The following NBAS variants were observed in gnomAD, a reference collection of about 807,000 sequenced individuals.
The protein encoded by NBAS is NAG/BC035112 fusion.
Under a neutral mutation model 302.5 loss-of-function variants are expected in NBAS, and 219 were observed. That is an observed-to-expected ratio of 0.72 (90% CI 0.65 to 0.81). The LOEUF is 0.81. Ranked by LOEUF, NBAS falls within the 30% of genes least tolerant of loss-of-function variation. NBAS has a pLI of 0.00. For synonymous variants in NBAS, 1,118 were observed against 1,021.6 expected, an observed-to-expected ratio of 1.09 and a Z score of -1.80; for missense variants, 2,932 against 2,841.6, an observed-to-expected ratio of 1.03 and a Z score of -0.72.
chr2:15,224,605 G>A lies in NBAS; in HGVS notation c.6237-5637C>T, dbSNP rs6736116. Among the ~76,000 whole-genome samples the A allele has an allele frequency of 1.1e-4, 16 of 152,080 alleles. No homozygotes were observed. In the South Asian group the frequency reaches 2.5e-3, roughly 24 times the overall value. ...ATACATGAAGTCAGGATGTTCCACCGCATGTTTAAAAACTGGGTGACAGGA... is the reference window on the plus strand; with the variant it reads ...ATACATGAAGTCAGGATGTTCCACCACATGTTTAAAAACTGGGTGACAGGA... On this transcript the variant is annotated intron_variant, in intron 47 of 51. Coordinates refer to ENST00000281513, the MANE Select transcript of NBAS (RefSeq NM_015909.4).
intron 47 of NBAS, among the ~76,000 whole-genome samples, chr2:15,219,308 T>C (rs1372833289): frequency 6.6e-6 from 1 of 151,794 alleles, no homozygotes; most frequent in African/African-American, 2.4e-5. Flanking sequence ...TAGTAATTTT[T>C]TTTTTTTCTT....
chr2:15,327,633 G>A (rs928479464), intron 38 of NBAS, 117 bp downstream of exon 38: 2 of 1,205,318 alleles, frequency 1.7e-6, no homozygotes, highest in South Asian at 2.6e-5. Flanking sequence ...GTCAAGTTAT[G>A]CAATTCAAAA....
intron 23 of NBAS, among the ~76,000 whole-genome samples, chr2:15,420,905 C>T (rs1677180051): frequency 6.6e-6 from 1 of 151,908 alleles, no homozygotes; most frequent in Non-Finnish European, 1.5e-5. Flanking sequence ...CCTTCAAAGA[C>T]CTAGGGATGG....
chr2:15,248,075 C>T (rs191541137), intron 44 of NBAS, among the ~76,000 whole-genome samples: 8 of 152,178 alleles, frequency 5.3e-5, no homozygotes, highest in Non-Finnish European at 7.4e-5. Flanking sequence ...TCAGCAAATG[C>T]AAAAGAATGG....
chr2:14,847,051 T>C, the NBAS span, among the ~76,000 whole-genome samples: 19,741 of 152,042 alleles, frequency 0.13, 2,310 homozygotes, highest in African/African-American at 0.31. Flanking sequence ...CAAGATCCAA[T>C]AATCTGTTGC....
intron 9 of NBAS, among the ~76,000 whole-genome samples, chr2:15,518,060 AAAG>A (rs1662485410): frequency 6.6e-6 from 1 of 152,082 alleles, no homozygotes; most frequent in South Asian, 2.1e-4. Flanking sequence ...TTAAACTTAA[AAAG>A]AAGAACATCA....
At position 15,275,527 on chromosome 2, in the gene NBAS, GT is replaced by G. The variant is rs2148054836; in HGVS notation, c.5680del (p.Thr1894LeufsTer3). 6.2e-7 allele frequency: 1 copy of G among 1,614,038 alleles called. No individual in the cohort carries two copies. Among genetic ancestry groups the G allele is most frequent in the East Asian group, 2.2e-5 (1 of 44,876 alleles). On this transcript the variant is annotated frameshift_variant, in exon 44 of 52. Coordinates refer to ENST00000281513, the MANE Select transcript of NBAS (RefSeq NM_015909.4). LOFTEE classifies it high-confidence loss of function. Reference sequence around the variant, plus strand: ...AGAAAATGTAACTGCATCTACCACAGTGATGAGGTCACCTGGGTGGAGACGA... The same window carrying G: ...AGAAAATGTAACTGCATCTACCACAGGATGAGGTCACCTGGGTGGAGACGA... ...FDRLHPGDLITVVDAVTFSPK... is the reference protein window; with the variant it reads ...FDRLHPGDLIXVVDAVTFSPK...
At chr2:15,543,197 G>A (rs1239917532) in intron 6 of NBAS, among the ~76,000 whole-genome samples, 3 of 152,178 alleles carry the variant, frequency 2.0e-5, no homozygotes, top group African/African-American at 7.2e-5. Flanking sequence ...ATTTTCATCA[G>A]CTGTAGCTCC....
chr2:15,503,062 T>G (rs954287772), intron 11 of NBAS, among the ~76,000 whole-genome samples: 3 of 152,170 alleles, frequency 2.0e-5, no homozygotes, highest in Non-Finnish European at 2.9e-5. Flanking sequence ...CACATCAGCC[T>G]AGGCCAACAC....
the NBAS span, among the ~76,000 whole-genome samples, chr2:15,055,838 A>G: frequency 6.6e-6 from 1 of 152,234 alleles, no homozygotes; most frequent in Non-Finnish European, 1.5e-5. Flanking sequence ...AGAACTACAT[A>G]TATTGTGAAA....
intron 21 of NBAS, among the ~76,000 whole-genome samples, chr2:15,452,940 A>G (rs1351041979): frequency 6.6e-6 from 1 of 152,230 alleles, no homozygotes; most frequent in East Asian, 1.9e-4. Context: ...GCACTTTATT[A>G]GGAGATATGT....
chr2:15,309,277 C>A (rs1671173098), intron 38 of NBAS, 30 bp from the exon 39 acceptor site: 1 of 1,570,952 alleles, frequency 6.4e-7, no homozygotes, highest in Non-Finnish European at 8.7e-7. Context: ...CATTATTTTA[C>A]TGAGGTTGCA....
the NBAS span, among the ~76,000 whole-genome samples, chr2:14,987,610 G>A: frequency 6.6e-6 from 1 of 151,974 alleles, no homozygotes; most frequent in African/African-American, 2.4e-5. Context: ...ACAATGCTTT[G>A]TCAAAATATC....
intron 16 of NBAS, among the ~76,000 whole-genome samples, chr2:15,469,402 T>C (rs1377601090): frequency 2.0e-5 from 3 of 152,268 alleles, no homozygotes; most frequent in East Asian, 1.9e-4. Context: ...GTATGTTGTG[T>C]CTTTGTTATT....
the NBAS span, among the ~76,000 whole-genome samples, chr2:15,067,383 A>AGGAGGGGAGGGGAGG: frequency 1.2e-4 from 7 of 60,864 alleles, no homozygotes; most frequent in African/African-American, 6.2e-4. Flanking sequence ...AGGAGAGGAG[A>AGGAGGGGAGGGGAGG]GGAGGGGAGG....
chr2:15,272,216 T>G (rs1257404489), intron 44 of NBAS, among the ~76,000 whole-genome samples: 1 of 152,204 alleles, frequency 6.6e-6, no homozygotes, highest in African/African-American at 2.4e-5. Flanking sequence ...AACAATTGCT[T>G]ATTGTTCTTG....
At chr2:15,193,801 C>A (rs546978541) in intron 48 of NBAS, among the ~76,000 whole-genome samples, 1 of 152,032 alleles carries the variant, frequency 6.6e-6, no homozygotes, top group South Asian at 2.1e-4. Flanking sequence ...AAAAGGTAAA[C>A]TTATGTAAAG....
chr2:15,017,444 A>G, the NBAS span, among the ~76,000 whole-genome samples: 1 of 152,088 alleles, frequency 6.6e-6, no homozygotes, highest in Admixed American at 6.6e-5. Context: ...CAGAATATAC[A>G]TGGAACTCAA....
At chr2:15,078,847 C>A in the NBAS span, among the ~76,000 whole-genome samples, 1 of 152,138 alleles carries the variant, frequency 6.6e-6, no homozygotes, top group African/African-American at 2.4e-5. Flanking sequence ...GATCACATAA[C>A]AAAATCGGGA....
Sources: gnomAD v4.1 joint callset for allele counts (sites outside exome capture counted in the v4.1 genomes callset) on GRCh38, gnomAD v4.1.1 for gene constraint, MANE v1.5 for transcripts, NCBI Gene and HGNC (gene_info 2026-07-23, HGNC 2026-07-21) for gene names.